The following IGFLR1 variants were observed in gnomAD, a reference collection of about 807,000 sequenced individuals.
The protein encoded by IGFLR1 is IGF like family receptor 1, also known as IGF-like family receptor 1.
A neutral mutation model predicts 23.4 loss-of-function variants in IGFLR1; 17 were observed. The ratio of observed to expected loss-of-function variants is 0.73; its 90% CI spans 0.50 to 1.09. The LOEUF is 1.09. IGFLR1 is among the 50% of genes least tolerant of loss of function. The pLI is 0.00. For synonymous variants in IGFLR1, 265 were observed against 210.7 expected (o/e 1.26, Z -2.23); for missense variants, 556 against 459.2 (o/e 1.21, Z -1.93).
Position 35,739,425 on chromosome 19 carries a change from G to A in IGFLR1, c.923C>T (p.Pro308Leu), listed in dbSNP as rs375270846. ...FAYSLRPSRSPLRALIEMVVA... is the reference protein window; with the variant it reads ...FAYSLRPSRSLLRALIEMVVA... The stretch of plus-strand genomic sequence containing the variant: ...CACCATCTCAATCAGAGCCCGCAGC[G>A]GCGAGCGACTCGGCCTCAGCGAATA... Residue 308 changes from proline (P) to leucine (L), a missense_variant, in exon 5 of 5, where the codon CCG becomes CTG. Physicochemically the swap from Pro to Leu is moderately conservative, Grantham distance 98. Coordinates refer to ENST00000246532, the MANE Select transcript of IGFLR1 (RefSeq NM_024660.4). 46 of 1,613,764 alleles carry A rather than the reference G, an allele frequency of 2.9e-5. No homozygotes were observed. In the Middle Eastern group the frequency reaches 9.9e-4, roughly 35 times the overall value.
At chr19:35,741,481 ACCTGTCT>A in intron 1 of IGFLR1, 1 of 412,986 alleles carries the variant, frequency 2.4e-6, no homozygotes, top group Non-Finnish European at 4.4e-6. Context: ...CAATGATAGC[ACCTGTCT>A]CATAGGGTTA....
rs921723508 is a variant in IGFLR1, at chr19:35,739,041, A to C, written c.*239T>G. ...GGGTCTGTTACGGCTTCAGAACAAC[A>C]CAACACAGCAACTGTCTGTAGCAGG... On this transcript the variant is annotated 3_prime_UTR_variant, in exon 5 of 5. Coordinates refer to ENST00000246532, the MANE Select transcript of IGFLR1 (RefSeq NM_024660.4). 1.8e-6 allele frequency: 1 copy of C among 561,106 alleles called. No individual in the cohort carries two copies. The highest frequency in any genetic ancestry group is 3.0e-5 in the East Asian group (1 of 33,734). 34.8% of individuals were successfully genotyped at this position (561,106 alleles called of 1,614,324 possible). A position where few individuals can be genotyped will look rare whatever the true frequency, so the allele number is the denominator to read the frequency against.
At chr19:35,742,310 C>A in intron 1 of IGFLR1, 86 bp downstream of exon 1, 1 of 1,141,456 alleles carries the variant, frequency 8.8e-7, no homozygotes, top group Non-Finnish European at 1.2e-6. Context: ...CTCCCACCTG[C>A]CACAACCAGG....
At position 35,739,028 on chromosome 19, in the gene IGFLR1, G is replaced by A. The variant is rs572344153; in HGVS notation, c.*252C>T. On this transcript the variant is annotated 3_prime_UTR_variant, in exon 5 of 5. Transcript: ENST00000246532. The stretch of plus-strand genomic sequence containing the variant: ...GAAGTCAGTCATGGGGTCTGTTACG[G>A]CTTCAGAACAACACAACACAGCAAC... 8 of 538,808 alleles carry A rather than the reference G, an allele frequency of 1.5e-5. No homozygotes were observed. In the South Asian group the frequency reaches 1.6e-4, roughly 10 times the overall value. The allele number at this position is 538,808 out of a possible 1,614,324, so 33.4% of individuals were successfully genotyped here. A position where few individuals can be genotyped will look rare whatever the true frequency, so the allele number is the denominator to read the frequency against.
At chr19:35,741,838 G>A (rs561444949) in intron 1 of IGFLR1, among the ~76,000 whole-genome samples, 75 of 151,712 alleles carry the variant, frequency 4.9e-4, no homozygotes, top group African/African-American at 1.2e-3. Flanking sequence ...GCCGCCGGGC[G>A]CAGTGGCTCA....
At position 35,739,806 on chromosome 19, in the gene IGFLR1, T is replaced by C. The variant is rs1385930886; in HGVS notation, c.625A>G (p.Thr209Ala). The C allele has an allele frequency of 6.3e-7, 1 of 1,590,640 alleles. No individual in the cohort carries two copies. Among genetic ancestry groups the C allele is most frequent in the African/African-American group, 1.3e-5 (1 of 74,414 alleles). Residue 209 changes from threonine to alanine, a missense_variant, in exon 4 of 5, where the codon ACC becomes GCC. Coordinates refer to ENST00000246532, the MANE Select transcript of IGFLR1 (RefSeq NM_024660.4). Reference sequence around the variant, plus strand: ...AGATGCGAGGAGGAAGGGGTGTGGGTGTTGGGGACTCCGCAGACCAAGCCA... The same window carrying C: ...AGATGCGAGGAGGAAGGGGTGTGGGCGTTGGGGACTCCGCAGACCAAGCCA... ...YPGLVCGVPNTHTPSSSHLSS... is the reference protein window; with the variant it reads ...YPGLVCGVPNAHTPSSSHLSS...
intron 1 of IGFLR1, among the ~76,000 whole-genome samples, chr19:35,741,824 A>T (rs531134705): frequency 1.3e-5 from 2 of 151,842 alleles, no homozygotes; most frequent in South Asian, 4.2e-4. Flanking sequence ...AACAAAAAAA[A>T]CTGGCCGCCG....
At position 35,739,381 on chromosome 19, in the gene IGFLR1, C is replaced by CA. The variant is rs769299968; in HGVS notation, c.966dup (p.Ala323CysfsTer42). The CA allele has an allele frequency of 5.6e-6, 9 of 1,613,108 alleles. No individual in the cohort carries two copies. In the South Asian group the frequency reaches 9.9e-5, roughly 18 times the overall value. On this transcript the variant is annotated frameshift_variant, in exon 5 of 5. Coordinates refer to ENST00000246532, the MANE Select transcript of IGFLR1 (RefSeq NM_024660.4). LOFTEE classifies it low-confidence loss of function (END_TRUNC). ...TGTGTGCCAAGCTGGCCCAGGGAGGCAGAGGGCTCCCTTGCCACCACCATC... is the reference window on the plus strand; with the variant it reads ...TGTGTGCCAAGCTGGCCCAGGGAGGCAAGAGGGCTCCCTTGCCACCACCATC...
chr19:35,739,577 C>T lies in IGFLR1; in HGVS notation c.771G>A (p.Leu257=), dbSNP rs1379317928. ...GTACAATCAGCTCTTCCAGCACCTC[C>T]AGCTCATCCAGGAGGCGAGACAGGG... ...SQPLSRLLDE[L]EVLEELIVLL... is the part of the protein sequence containing the mutation. The change falls in exon 5 of 5, where the codon CTG becomes CTA. Residue 257 remains leucine (L), a synonymous_variant. Transcript: ENST00000246532. The T allele has an allele frequency of 3.1e-6, 5 of 1,613,868 alleles. No homozygotes were observed. In the South Asian group the frequency reaches 4.4e-5, roughly 14 times the overall value.
In IGFLR1 at chr19:35,739,320, A is replaced by G. The variant is rs1057245698; in HGVS notation, c.1028T>C (p.Val343Ala). The G allele has an allele frequency of 1.9e-6, 3 of 1,607,436 alleles. No homozygotes were observed. The highest frequency in any genetic ancestry group is 2.6e-6 in the Non-Finnish European group (3 of 1,176,458). The change falls in exon 5 of 5, where the codon GTG becomes GCG. Residue 343 changes from valine (V) to alanine (A), a missense_variant. Val to Ala is a moderately conservative substitution (Grantham distance 64). Transcript: ENST00000246532. ...AQLGRADALR[V>A]LSKLGSSGVC... is the part of the protein sequence containing the mutation. ...CCCAGATGAGCCAAGCTTGGACAGC[A>G]CCCGCAATGCATCTGCCCGCCCTAG...
rs758722295 is a variant in IGFLR1 at position 35,739,521 on chromosome 19, C to A, written c.827G>T (p.Gly276Val). 1 of 1,614,044 alleles carries A rather than the reference C, an allele frequency of 6.2e-7. No individual in the cohort carries two copies. Among genetic ancestry groups the A allele is most frequent in the Non-Finnish European group, 8.5e-7 (1 of 1,180,016 alleles). The change falls in exon 5 of 5, where the codon GGT (glycine) becomes GTT (valine). Residue 276 changes from glycine to valine, a missense_variant. Physicochemically the swap from Gly to Val is moderately radical, Grantham distance 109. Coordinates refer to ENST00000246532, the MANE Select transcript of IGFLR1 (RefSeq NM_024660.4). The stretch of plus-strand genomic sequence containing the variant: ...GTGTCGAGTAGTGCCATGGGCCATA[C>A]CCCCACCTGGCCCAGGCTCAGGGTC... The part of the protein sequence containing the change: ...LLDPEPGPGG[G>V]MAHGTTRHLA...
In IGFLR1 at chr19:35,739,125, TGTG is replaced by T. The variant is rs1426645556; in HGVS notation, c.*152_*154del. On this transcript the variant is annotated 3_prime_UTR_variant, in exon 5 of 5. Transcript: ENST00000246532. Reference sequence around the variant, plus strand: ...GGCACCTGGGGTCAGCCCTCCCACATGTGGCCCTGTGTGTATGTTGGAATAGGC... The same window carrying T: ...GGCACCTGGGGTCAGCCCTCCCACATGCCCTGTGTGTATGTTGGAATAGGC... The T allele has an allele frequency of 1.3e-6, 1 of 741,060 alleles. No homozygotes were observed. The highest frequency in any genetic ancestry group is 1.8e-5 in the African/African-American group (1 of 56,480). The allele number at this position is 741,060 out of a possible 1,614,324, so 45.9% of individuals were successfully genotyped here.
In IGFLR1 at chr19:35,739,588, G is replaced by C; in HGVS notation, c.760C>G (p.Leu254Val). The C allele has an allele frequency of 1.2e-6, 2 of 1,613,856 alleles. No homozygotes were observed. The highest frequency in any genetic ancestry group is 1.1e-5 in the South Asian group (1 of 91,084). Residue 254 changes from leucine (L) to valine (V), a missense_variant, in exon 5 of 5, where the codon CTG (leucine) becomes GTG (valine). By Grantham distance (32) the Leu-to-Val change is conservative. Transcript: ENST00000246532. ...SLASQPLSRL[L>V]DELEVLEELI... is the part of the protein sequence containing the mutation. ...TCTTCCAGCACCTCCAGCTCATCCA[G>C]GAGGCGAGACAGGGGTTGTGACGCC...
At chr19:35,739,663 G>A (rs377463629) in intron 4 of IGFLR1, 37 bp from the exon 5 acceptor site, 3 of 1,577,244 alleles carry the variant, frequency 1.9e-6, no homozygotes, top group South Asian at 1.2e-5. Flanking sequence ...GCGGAAGAGC[G>A]GGCGTCCAGT....
At position 35,741,236 on chromosome 19, in the gene IGFLR1, G is replaced by A; in HGVS notation, c.-43-13C>T. The A allele has an allele frequency of 6.3e-7, 1 of 1,593,580 alleles. No homozygotes were observed. The highest frequency in any genetic ancestry group is 8.5e-7 in the Non-Finnish European group (1 of 1,173,874). ...CACAGCGCCTCTGCTACACTTTCCGGGGAAATCGGGCAGAAGAAAGGACGC... is the reference window on the plus strand; with the variant it reads ...CACAGCGCCTCTGCTACACTTTCCGAGGAAATCGGGCAGAAGAAAGGACGC... On this transcript the variant is annotated splice_polypyrimidine_tract_variant and intron_variant, in intron 1 of 4. Coordinates refer to ENST00000246532, the MANE Select transcript of IGFLR1 (RefSeq NM_024660.4).
At position 35,739,066 on chromosome 19, in the gene IGFLR1, GGTT is replaced by G; in HGVS notation, c.*211_*213del. ...ACAACACAGCAACTGTCTGTAGCAG[GGTT>G]GTTTCCCAGAGGGGATTCTGGTGGC... On this transcript the variant is annotated 3_prime_UTR_variant, in exon 5 of 5. Coordinates refer to ENST00000246532, the MANE Select transcript of IGFLR1 (RefSeq NM_024660.4). 3.4e-6 allele frequency: 2 copies of G among 580,878 alleles called. No homozygotes were observed. The allele number at this position is 580,878 out of a possible 1,614,324, so 36.0% of individuals were successfully genotyped here.
Position 35,738,925 on chromosome 19 carries a change from A to C in IGFLR1, c.*355T>G. ...GGCTGTGGGGGCAGGTAGGAACCCC[A>C]CTTCTACACACCCACCCATCATGAC... On this transcript the variant is annotated 3_prime_UTR_variant, in exon 5 of 5. Coordinates refer to ENST00000246532, the MANE Select transcript of IGFLR1 (RefSeq NM_024660.4). This position sits in a 1 kb window ranked among gnomAD's most constrained non-coding sequence, Gnocchi z 8.7. The C allele has an allele frequency of 2.2e-6, 1 of 447,010 alleles. No individual in the cohort carries two copies. Among genetic ancestry groups the C allele is most frequent in the Non-Finnish European group, 4.0e-6 (1 of 250,060 alleles). 27.7% of individuals were successfully genotyped at this position (447,010 alleles called of 1,614,324 possible).
rs146772419 is a variant in IGFLR1 at position 35,739,919 on chromosome 19, A to T, written c.512T>A (p.Leu171Gln). Residue 171 changes from leucine to glutamine, a missense_variant, in exon 4 of 5, where the codon CTG becomes CAG. Transcript: ENST00000246532. ...GAGGATCGCTATCACCGCCAAGGTC[A>T]GGAGCAGGACCAGCACCACGAGCGG... ...FLPLVVLVLL[L>Q]TLAVIAILLF... 2 of 1,614,178 alleles carry T rather than the reference A, an allele frequency of 1.2e-6. No individual in the cohort carries two copies. Among genetic ancestry groups the T allele is most frequent in the Non-Finnish European group, 8.5e-7 (1 of 1,180,016 alleles).
In IGFLR1 at chr19:35,740,538, G is replaced by C; in HGVS notation, c.184C>G (p.Leu62Val). 1.2e-6 allele frequency: 2 copies of C among 1,610,222 alleles called. No individual in the cohort carries two copies. Among genetic ancestry groups the C allele is most frequent in the Non-Finnish European group, 1.7e-6 (2 of 1,178,742 alleles). The change falls in exon 3 of 5, where the codon CTC becomes GTC. Residue 62 changes from leucine (L) to valine (V), a missense_variant. Coordinates refer to ENST00000246532, the MANE Select transcript of IGFLR1 (RefSeq NM_024660.4). ...GTTACGAAATCGCCGTGGTCATTGA[G>C]TCCGCAGTTTTCCCGGAACTCATAG... is the stretch of plus-strand genomic sequence containing the variant. ...PDYEFRENCG[L>V]NDHGDFVTPP...
Sources: gnomAD v4.1 joint callset for allele counts (sites outside exome capture counted in the v4.1 genomes callset) on GRCh38, gnomAD v4.1.1 for gene constraint, Gnocchi (gnomAD v3.1) non-coding constraint, MANE v1.5 for transcripts, NCBI Gene and HGNC (gene_info 2026-07-23, HGNC 2026-07-21) for gene names.